ULK2: variants seen among roughly 807,000 people sequenced by gnomAD.
The protein encoded by ULK2 is unc-51 like autophagy activating kinase 2.
In ULK2, 76 loss-of-function variants were observed where a neutral mutation model predicts 127.5. The ratio of observed to expected loss-of-function variants is 0.60; its 90% CI spans 0.50 to 0.72. The LOEUF is 0.72. Among genes scored for constraint, ULK2 ranks in the 30% least tolerant of loss-of-function variants. The pLI is 0.00. For synonymous variants in ULK2, 452 were observed against 461.9 expected (o/e 0.98, Z 0.28); for missense variants, 1,144 against 1,295.9 (o/e 0.88, Z 1.80).
Position 19,835,309 on chromosome 17 carries a change from T to C in ULK2, c.787+3192A>G, listed in dbSNP as rs192339292. 4.0e-4 allele frequency among the ~76,000 whole-genome samples: 61 copies of C among 151,240 alleles called. 1 individual carries two copies. In the East Asian group the frequency reaches 0.012, roughly 29 times the overall value. On this transcript the variant is annotated intron_variant, in intron 10 of 26. Coordinates refer to ENST00000395544, the MANE Select transcript of ULK2 (RefSeq NM_014683.4). The stretch of plus-strand genomic sequence containing the variant: ...GGACTACAGGATGGTCTTGGTCTCC[T>C]GACCTCGTGATCTGCCCACTTCAGC...
intron 3 of ULK2, among the ~76,000 whole-genome samples, chr17:19,854,072 A>G (rs2042074326): frequency 6.6e-6 from 1 of 152,070 alleles, no homozygotes; most frequent in African/African-American, 2.4e-5. Context: ...TGAGGTCAGG[A>G]GTTTGAGACC....
At chr17:19,806,512 G>A (rs1231139492) in intron 14 of ULK2, among the ~76,000 whole-genome samples, 1 of 152,152 alleles carries the variant, frequency 6.6e-6, no homozygotes, top group Non-Finnish European at 1.5e-5. Flanking sequence ...ATGAGGACAT[G>A]AACAGCCATG....
Position 19,780,712 on chromosome 17 carries a change from T to C in ULK2, c.2759-83A>G, listed in dbSNP as rs994964092. 1.0e-5 allele frequency: 14 copies of C among 1,389,468 alleles called. No individual in the cohort carries two copies. The Admixed American group carries it at 1.3e-4, about 13-fold the overall frequency. The allele number at this position is 1,389,468 out of a possible 1,614,324, so 86.1% of individuals were successfully genotyped here. ...GTTATATGTATCTTTCCTGCTGATA[T>C]ATAGGGAAGGTGTCACTATGTGATC... On this transcript the variant is annotated intron_variant, in intron 24 of 26. Coordinates refer to ENST00000395544, the MANE Select transcript of ULK2 (RefSeq NM_014683.4).
At chr17:19,814,428 A>ACG (rs1448611693) in intron 13 of ULK2, among the ~76,000 whole-genome samples, 35 of 14,408 alleles carry the variant, frequency 2.4e-3, no homozygotes, top group African/African-American at 0.011. Context: ...ATATATATAT[A>ACG]TATATATATA....
intron 20 of ULK2, among the ~76,000 whole-genome samples, chr17:19,788,387 G>C (rs2087080562): frequency 6.6e-6 from 1 of 151,810 alleles, no homozygotes; most frequent in Non-Finnish European, 1.5e-5. Flanking sequence ...AGCCACAGTA[G>C]GACGAGCCCC....
chr17:19,834,469 G>C (rs1475608363), intron 10 of ULK2, among the ~76,000 whole-genome samples: 1 of 150,632 alleles, frequency 6.6e-6, no homozygotes, highest in Non-Finnish European at 1.5e-5. Context: ...AGGAGGAAAG[G>C]AATGGAATTA....
intron 3 of ULK2, among the ~76,000 whole-genome samples, chr17:19,860,140 GA>G (rs2042211632): frequency 7.8e-6 from 1 of 128,294 alleles, no homozygotes. Context: ...TAAATGTTTA[GA>G]AAATTCTAAA....
chr17:19,788,178 C>T (rs77385642), intron 20 of ULK2, among the ~76,000 whole-genome samples: 4 of 152,146 alleles, frequency 2.6e-5, no homozygotes, highest in South Asian at 4.2e-4. Context: ...ATCCTGGTGC[C>T]GTGCTGGGCT....
At chr17:19,856,015 C>T (rs1206972811) in intron 3 of ULK2, 1 of 152,092 alleles carries the variant, frequency 6.6e-6, no homozygotes, top group African/African-American at 2.4e-5. Flanking sequence ...AGAGTAAGAC[C>T]TCATTTCTAA....
At chr17:19,817,270 A>G (rs1388078502) in intron 12 of ULK2, among the ~76,000 whole-genome samples, 8 of 152,224 alleles carry the variant, frequency 5.3e-5, no homozygotes, top group African/African-American at 1.7e-4. Flanking sequence ...CAGATACTTA[A>G]TAACTTTCCA....
At position 19,801,803 on chromosome 17, in the gene ULK2, G is replaced by A; in HGVS notation, c.1415C>T (p.Ser472Phe). The change falls in exon 16 of 27, where the codon TCT (serine) becomes TTT (phenylalanine). Residue 472 changes from serine (S) to phenylalanine (F), a missense_variant. Coordinates refer to ENST00000395544, the MANE Select transcript of ULK2 (RefSeq NM_014683.4). ...TVGRRLSTGS[S>F]RPYSPSPLVG... ...CAAAGGGGAAGGTGAGTAAGGCCTAGAAGACCCAGTGGAGAGCCTTCGTCC... is the reference window on the plus strand; with the variant it reads ...CAAAGGGGAAGGTGAGTAAGGCCTAAAAGACCCAGTGGAGAGCCTTCGTCC... 2.5e-6 allele frequency: 4 copies of A among 1,614,148 alleles called. No individual in the cohort carries two copies. Among genetic ancestry groups the A allele is most frequent in the South Asian group, 1.1e-5 (1 of 91,068 alleles).
chr17:19,780,100 G>C (rs1348230117), intron 25 of ULK2, among the ~76,000 whole-genome samples: 7 of 151,884 alleles, frequency 4.6e-5, no homozygotes, highest in Non-Finnish European at 1.5e-5. Context: ...CTTGAATCTG[G>C]GAAGCAGAGG....
At chr17:19,855,152 C>A (rs897661814) in intron 3 of ULK2, among the ~76,000 whole-genome samples, 4 of 150,758 alleles carry the variant, frequency 2.7e-5, no homozygotes, top group African/African-American at 9.7e-5. Context: ...CGCCTGTAAT[C>A]CCAGCACTTT....
At chr17:19,799,458 A>G in intron 17 of ULK2, 37 bp downstream of exon 17, 1 of 1,453,900 alleles carries the variant, frequency 6.9e-7, no homozygotes, top group Non-Finnish European at 9.2e-7. Flanking sequence ...TTTATAATAC[A>G]ATTCAAATTA....
chr17:19,846,081 G>A (rs531791118), intron 6 of ULK2, among the ~76,000 whole-genome samples: 12 of 152,262 alleles, frequency 7.9e-5, no homozygotes, highest in East Asian at 1.9e-4. Context: ...AGCCGAGATC[G>A]TGCCACAGCA....
rs1410207079 is a variant in ULK2, at chr17:19,810,448, A to T, written c.1097-10T>A. 6.4e-7 allele frequency: 1 copy of T among 1,572,732 alleles called. No homozygotes were observed. The highest frequency in any genetic ancestry group is 1.8e-5 in the Admixed American group (1 of 54,664). On this transcript the variant is annotated splice_polypyrimidine_tract_variant and intron_variant, in intron 13 of 26. Coordinates refer to ENST00000395544, the MANE Select transcript of ULK2 (RefSeq NM_014683.4). ...CCCACTGGCATATCACCTAAAGGAGAGAAAAGAACAATCAGTTCCTGTTAT... is the reference window on the plus strand; with the variant it reads ...CCCACTGGCATATCACCTAAAGGAGTGAAAAGAACAATCAGTTCCTGTTAT...
intron 12 of ULK2, among the ~76,000 whole-genome samples, chr17:19,818,797 C>CTTT (rs71157835): frequency 2.4e-4 from 19 of 77,754 alleles, no homozygotes; most frequent in African/African-American, 6.1e-4. Context: ...TTTCTTTTTT[C>CTTT]TTTTTTTTTT....
At chr17:19,855,339 G>C (rs1195920708) in intron 3 of ULK2, among the ~76,000 whole-genome samples, 1 of 151,850 alleles carries the variant, frequency 6.6e-6, no homozygotes, top group African/African-American at 2.4e-5. Context: ...GGGAGGCAGA[G>C]CTTGCAGTGA....
chr17:19,864,252 G>C (rs542494657), intron 3 of ULK2, among the ~76,000 whole-genome samples: 186 of 152,342 alleles, frequency 1.2e-3, no homozygotes, highest in African/African-American at 4.4e-3. Context: ...AGGATGACTT[G>C]AGGTCAGGAG....
Sources: allele counts gnomAD v4.1 joint callset (sites outside exome capture counted in the v4.1 genomes callset), GRCh38; gene constraint gnomAD v4.1.1; transcripts MANE v1.5; gene names NCBI Gene and HGNC (gene_info 2026-07-23, HGNC 2026-07-21).